Variants in RSRC1 observed in about 807,000 individuals in gnomAD.
RSRC1 encodes serine/Arginine-related protein 53.
A neutral mutation model predicts 49.1 loss-of-function variants in RSRC1; 39 were observed. The observed-to-expected ratio is 0.79, with a 90% CI of 0.61 to 1.04. RSRC1 has a LOEUF of 1.04. Among genes scored for constraint, RSRC1 ranks in the 50% least tolerant of loss-of-function variants. RSRC1 has a pLI of 0.00. For synonymous variants in RSRC1, 143 were observed against 130.8 expected (o/e 1.09, Z -0.63); for missense variants, 388 against 402.4 (o/e 0.96, Z 0.31).
chr3:158,210,629 G>C (rs1047498716), intron 4 of RSRC1, among the ~76,000 whole-genome samples: 1 of 151,938 alleles, frequency 6.6e-6, no homozygotes, highest in African/African-American at 2.4e-5. Flanking sequence ...GGCCCATTGT[G>C]TTGTTGGCCA....
chr3:158,172,061 CAT>C (rs767759933), intron 3 of RSRC1, among the ~76,000 whole-genome samples: 63 of 152,036 alleles, frequency 4.1e-4, no homozygotes, highest in Admixed American at 8.5e-4. Flanking sequence ...AACTCGGTAA[CAT>C]GTGAGACAAT....
intron 3 of RSRC1, among the ~76,000 whole-genome samples, chr3:158,192,824 A>T (rs746139462): frequency 4.6e-4 from 70 of 152,192 alleles, no homozygotes; most frequent in Non-Finnish European, 8.7e-4. Flanking sequence ...GTTATCTGTG[A>T]AGACAAGGAT....
chr3:158,318,005 CATT>C (rs1164776511), intron 5 of RSRC1, among the ~76,000 whole-genome samples: 1 of 150,076 alleles, frequency 6.7e-6, no homozygotes, highest in African/African-American at 2.5e-5. Flanking sequence ...TTTCTTAAAA[CATT>C]ATGAAGTTTT....
At chr3:158,237,264 A>G (rs1009520813) in intron 4 of RSRC1, among the ~76,000 whole-genome samples, 3 of 152,184 alleles carry the variant, frequency 2.0e-5, no homozygotes, top group African/African-American at 7.2e-5. Context: ...CCTAACAGTC[A>G]GTTTTTGGCT....
chr3:158,135,205 T>C (rs1716290446), intron 3 of RSRC1, among the ~76,000 whole-genome samples: 1 of 152,150 alleles, frequency 6.6e-6, no homozygotes, highest in Non-Finnish European at 1.5e-5. Context: ...ACATGTTGTT[T>C]TGTGAGGCTC....
intron 8 of RSRC1, among the ~76,000 whole-genome samples, chr3:158,542,099 A>C (rs1281917625): frequency 6.6e-6 from 1 of 152,176 alleles, no homozygotes; most frequent in Non-Finnish European, 1.5e-5. Context: ...TTAATATTTT[A>C]AGTAGCTCCG....
chr3:158,520,999 A>G (rs1246313070), intron 7 of RSRC1, among the ~76,000 whole-genome samples: 2 of 152,138 alleles, frequency 1.3e-5, no homozygotes, highest in African/African-American at 2.4e-5. Context: ...ACTGGTAAAC[A>G]TACCTAAGAG....
intron 1 of RSRC1, among the ~76,000 whole-genome samples, chr3:158,112,262 G>C (rs866041810): frequency 3.3e-5 from 5 of 152,152 alleles, no homozygotes; most frequent in Non-Finnish European, 7.4e-5. Context: ...CACCTTACTG[G>C]TGGAGTTAAG....
intron 3 of RSRC1, among the ~76,000 whole-genome samples, chr3:158,195,003 G>A (rs971609888): frequency 2.4e-4 from 37 of 152,212 alleles, no homozygotes; most frequent in African/African-American, 8.2e-4. Flanking sequence ...AATCCTTTGG[G>A]TATATACCCA....
intron 4 of RSRC1, among the ~76,000 whole-genome samples, chr3:158,282,644 A>G (rs1726250988): frequency 6.6e-6 from 1 of 152,226 alleles, no homozygotes; most frequent in Non-Finnish European, 1.5e-5. Context: ...CTGTAAGTTT[A>G]GAGATTAAGA....
intron 3 of RSRC1, among the ~76,000 whole-genome samples, chr3:158,142,438 T>TCCATTCTTG (rs1366160645): frequency 6.6e-6 from 1 of 152,188 alleles, no homozygotes; most frequent in Non-Finnish European, 1.5e-5. Context: ...CAACGGTTAG[T>TCCATTCTTG]CCATTCTTGC....
intron 6 of RSRC1, among the ~76,000 whole-genome samples, chr3:158,435,110 G>T (rs1735978982): frequency 6.6e-6 from 1 of 151,888 alleles, no homozygotes. Flanking sequence ...GTAATGTTGT[G>T]TAATGCTAGA....
At chr3:158,346,217 C>T (rs1175447786) in intron 5 of RSRC1, among the ~76,000 whole-genome samples, 1 of 152,098 alleles carries the variant, frequency 6.6e-6, no homozygotes, top group African/African-American at 2.4e-5. Flanking sequence ...GAGACCAAGG[C>T]AGGCAGATCC....
rs140503983 is a variant in RSRC1, at chr3:158,466,106, A to G, written c.652+5103A>G. On this transcript the variant is annotated intron_variant, in intron 7 of 9. Transcript: ENST00000611884. ...TTCAGTTTTTTCTATTCCATATTAC[A>G]TAGCATCAACCTGTTTCTCAGTTTC... 8.9e-3 allele frequency among the ~76,000 whole-genome samples: 1,360 copies of G among 152,246 alleles called. 19 individuals carry two copies. Among genetic ancestry groups the G allele is most frequent in the Non-Finnish European group, 0.011 (745 of 68,010 alleles).
At chr3:158,528,849 G>A (rs1712205859) in intron 7 of RSRC1, among the ~76,000 whole-genome samples, 1 of 151,918 alleles carries the variant, frequency 6.6e-6, no homozygotes. Flanking sequence ...GATTACATTT[G>A]CAATAAGCAT....
chr3:158,300,327 A>G (rs538778230), intron 5 of RSRC1, among the ~76,000 whole-genome samples: 27 of 152,208 alleles, frequency 1.8e-4, no homozygotes, highest in Non-Finnish European at 3.4e-4. Context: ...ACTATTAACA[A>G]TATATTCATC....
At chr3:158,188,773 A>T (rs912266461) in intron 3 of RSRC1, among the ~76,000 whole-genome samples, 2 of 151,908 alleles carry the variant, frequency 1.3e-5, no homozygotes, top group African/African-American at 4.8e-5. Flanking sequence ...CAACCTTATT[A>T]ATCTTTCAAA....
At chr3:158,516,552 T>C (rs950536003) in intron 7 of RSRC1, among the ~76,000 whole-genome samples, 10 of 152,180 alleles carry the variant, frequency 6.6e-5, no homozygotes, top group African/African-American at 2.4e-4. Context: ...GTCTTTTTGT[T>C]GTCTGTGCCC....
chr3:158,413,281 G>A (rs936737728), intron 6 of RSRC1, among the ~76,000 whole-genome samples: 6 of 152,138 alleles, frequency 3.9e-5, no homozygotes, highest in African/African-American at 1.4e-4. Context: ...AAACTGGCTA[G>A]CCATGTGCAG....
Sources: gnomAD v4.1 joint callset for allele counts (sites outside exome capture counted in the v4.1 genomes callset) on GRCh38, gnomAD v4.1.1 for gene constraint, MANE v1.5 for transcripts, NCBI Gene and HGNC (gene_info 2026-07-23, HGNC 2026-07-21) for gene names.